ANXA5: variants seen among roughly 807,000 people sequenced by gnomAD.
ANXA5 encodes the protein annexin A5, also known as CBP-I.
Under a neutral mutation model 48.1 loss-of-function variants are expected in ANXA5, and 40 were observed. That is an observed-to-expected ratio of 0.83 (90% CI 0.65 to 1.08). The LOEUF is 1.08. Ranked by LOEUF, ANXA5 falls within the 50% of genes least tolerant of loss-of-function variation. ANXA5 has a pLI of 0.00. For synonymous variants in ANXA5, 113 were observed against 129.1 expected, an observed-to-expected ratio of 0.88 and a Z score of 0.85; for missense variants, 357 against 376.8, an observed-to-expected ratio of 0.95 and a Z score of 0.44.
At chr4:121,686,530 A>C (rs570253113) in intron 2 of ANXA5, among the ~76,000 whole-genome samples, 158 bp from the exon 3 acceptor site, 1 of 152,294 alleles carries the variant, frequency 6.6e-6, no homozygotes, top group East Asian at 1.9e-4. Flanking sequence ...GAAGGGAACC[A>C]TTTACAATGG....
chr4:121,687,880 G>A (rs1229561486), intron 2 of ANXA5, among the ~76,000 whole-genome samples: 1 of 152,190 alleles, frequency 6.6e-6, no homozygotes, highest in Non-Finnish European at 1.5e-5. Context: ...TGCCTAGCAA[G>A]AAGCTTGCTA....
chr4:121,668,843 T>C (rs944558959), intron 12 of ANXA5, among the ~76,000 whole-genome samples: 3 of 152,004 alleles, frequency 2.0e-5, no homozygotes, highest in Non-Finnish European at 4.4e-5. Context: ...AGGGCTGTCA[T>C]GGCTCTCCCT....
chr4:121,696,674 C>T (rs1725089322), intron 1 of ANXA5, 50 bp from the exon 2 acceptor site: 4 of 1,236,874 alleles, frequency 3.2e-6, no homozygotes, highest in African/African-American at 3.1e-5. Flanking sequence ...GCAACTCGTG[C>T]CCTCCCCAAG....
At chr4:121,671,133 ATTC>A (rs946872542) in intron 10 of ANXA5, among the ~76,000 whole-genome samples, 2 of 152,226 alleles carry the variant, frequency 1.3e-5, no homozygotes, top group Non-Finnish European at 2.9e-5. Context: ...CATCAAAGAT[ATTC>A]TTCTTTTCTA....
intron 2 of ANXA5, among the ~76,000 whole-genome samples, chr4:121,686,610 C>T (rs1724895340): frequency 6.6e-6 from 1 of 152,156 alleles, no homozygotes; most frequent in Non-Finnish European, 1.5e-5. Flanking sequence ...GGAAGGCTGG[C>T]TCCCTCTTCT....
rs1725083430 is a variant in ANXA5 at position 121,696,441 on chromosome 4, A to G, written c.9+140T>C. The G allele has an allele frequency of 2.1e-5, 17 of 793,672 alleles. No individual in the cohort carries two copies. In the South Asian group the frequency reaches 1.0e-3, roughly 47 times the overall value. 49.2% of individuals were successfully genotyped at this position (793,672 alleles called of 1,614,324 possible). On this transcript the variant is annotated intron_variant, in intron 2 of 12. Transcript: ENST00000296511. ...GGGGCAGGGAAGCAAAGGGGGAACA[A>G]GAAAAGTGGAAGCGATGTCCCCAAA...
At chr4:121,674,008 C>G (rs1262749093) in intron 8 of ANXA5, among the ~76,000 whole-genome samples, 1 of 151,566 alleles carries the variant, frequency 6.6e-6, no homozygotes, top group East Asian at 1.9e-4. Context: ...CTGTCAAAAC[C>G]TGTCTCTACT....
rs532595458 is a variant in ANXA5 at position 121,693,935 on chromosome 4, G to A, written c.9+2646C>T. ...TTATTTACATTTATCCTGCTTGCTC[G>A]GCACAGGGCTTTTTTAAATTATTAT... is the stretch of plus-strand genomic sequence containing the variant. On this transcript the variant is annotated intron_variant, in intron 2 of 12. Coordinates refer to ENST00000296511, the MANE Select transcript of ANXA5 (RefSeq NM_001154.4). Among the ~76,000 whole-genome samples, 15 of 152,246 alleles carry A rather than the reference G, an allele frequency of 9.9e-5. No homozygotes were observed. In the South Asian group the frequency reaches 2.1e-3, roughly 21 times the overall value.
At chr4:121,692,355 T>C (rs1725001900) in intron 2 of ANXA5, among the ~76,000 whole-genome samples, 1 of 152,238 alleles carries the variant, frequency 6.6e-6, no homozygotes, top group South Asian at 2.1e-4. Context: ...TAAGAATGAC[T>C]TCCCTTGACA....
At chr4:121,679,545 TATCTGAGCCTA>T (rs1189629603) in intron 6 of ANXA5, among the ~76,000 whole-genome samples, 1 of 152,120 alleles carries the variant, frequency 6.6e-6, no homozygotes, top group Admixed American at 6.6e-5. Context: ...AAACCATCTA[TATCTGAGCCTA>T]ACCTCGCTTG....
chr4:121,669,777 AG>A (rs1560823062), intron 11 of ANXA5, 53 bp from the exon 12 acceptor site: 18 of 1,573,534 alleles, frequency 1.1e-5, no homozygotes, highest in Non-Finnish European at 1.5e-5. Context: ...CTTCAAACAT[AG>A]GATCAAATGC....
chr4:121,685,011 T>C (rs898211989), intron 3 of ANXA5, among the ~76,000 whole-genome samples: 5 of 143,226 alleles, frequency 3.5e-5, no homozygotes, highest in African/African-American at 1.3e-4. Flanking sequence ...GAGACCCCCA[T>C]CTCTTAGAAA....
intron 8 of ANXA5, among the ~76,000 whole-genome samples, chr4:121,676,514 G>A (rs2110481816): frequency 6.6e-6 from 1 of 152,194 alleles, no homozygotes; most frequent in South Asian, 2.1e-4. Context: ...CCCCTTTCTG[G>A]TAGAGTTATG....
chr4:121,682,018 T>C (rs188207209), intron 5 of ANXA5, among the ~76,000 whole-genome samples: 191 of 152,288 alleles, frequency 1.3e-3, no homozygotes, highest in African/African-American at 4.4e-3. Flanking sequence ...TGTGTACGTA[T>C]ACATAACCAG....
intron 8 of ANXA5, among the ~76,000 whole-genome samples, chr4:121,674,206 G>A (rs1251028057): frequency 1.1e-5 from 1 of 95,236 alleles, no homozygotes; most frequent in Non-Finnish European, 2.3e-5. Flanking sequence ...AGGGGAGGGA[G>A]AGGGGCGGAA....
chr4:121,686,326 G>T lies in ANXA5; in HGVS notation c.56C>A (p.Ala19Asp). The change falls in exon 3 of 13, where the codon GCT (alanine) becomes GAT (aspartate). Residue 19 changes from alanine to aspartate, a missense_variant. Coordinates refer to ENST00000296511, the MANE Select transcript of ANXA5 (RefSeq NM_001154.4). ...VTDFPGFDER[A>D]DAETLRKAMK... is the part of the protein sequence containing the mutation. ...AGCCTTCCGAAGAGTTTCTGCATCAGCCCGCTCATCAAATCCAGGGAAGTC... is the reference window on the plus strand; with the variant it reads ...AGCCTTCCGAAGAGTTTCTGCATCATCCCGCTCATCAAATCCAGGGAAGTC... The T allele has an allele frequency of 6.2e-7, 1 of 1,614,052 alleles. No homozygotes were observed. Among genetic ancestry groups the T allele is most frequent in the Non-Finnish European group, 8.5e-7 (1 of 1,179,974 alleles).
At position 121,670,009 on chromosome 4, in the gene ANXA5, T is replaced by A. The variant is rs1724587072; in HGVS notation, c.725A>T (p.Lys242Ile). Residue 242 changes from lysine to isoleucine, a missense_variant, in exon 11 of 13, where the codon AAA (lysine) becomes ATA (isoleucine). Physicochemically the swap from Lys to Ile is moderately radical, Grantham distance 102 (BLOSUM62 -3). Coordinates refer to ENST00000296511, the MANE Select transcript of ANXA5 (RefSeq NM_001154.4). Reference sequence around the variant, plus strand: ...GTAGGCAGGTATACTTCGAATAGATTTCACTAAGAAAATAAACAATACAAT... The same window carrying A: ...GTAGGCAGGTATACTTCGAATAGATATCACTAAGAAAATAAACAATACAAT... ...NLEQLLLAVV[K>I]SIRSIPAYLA... 1 of 1,597,638 alleles carries A rather than the reference T, an allele frequency of 6.3e-7. No homozygotes were observed. The highest frequency in any genetic ancestry group is 2.2e-5 in the East Asian group (1 of 44,674).
rs886830394 is a variant in ANXA5 at position 121,678,452 on chromosome 4, G to A, written c.437C>T (p.Ser146Leu). Reference protein sequence around the residue: ...SLEDDVVGDTSGYYQRMLVVL... With the variant: ...SLEDDVVGDTLGYYQRMLVVL... ...CACCAACATCCGCTGGTAGTACCCT[G>A]AAGTGTCCCCCACCACGTCATCTTC... Residue 146 changes from serine to leucine, a missense_variant, in exon 7 of 13, where the codon TCA becomes TTA. Physicochemically the swap from Ser to Leu is moderately radical, Grantham distance 145. Transcript: ENST00000296511. The A allele has an allele frequency of 3.1e-6, 5 of 1,613,670 alleles. No homozygotes were observed. In the African/African-American group the frequency reaches 5.3e-5, roughly 17 times the overall value.
intron 3 of ANXA5, among the ~76,000 whole-genome samples, chr4:121,685,069 T>C (rs922866826): frequency 2.7e-5 from 4 of 147,854 alleles, no homozygotes; most frequent in Admixed American, 1.3e-4. Flanking sequence ...CACATATATA[T>C]ATACACACAC....
Sources: allele counts gnomAD v4.1 joint callset (sites outside exome capture counted in the v4.1 genomes callset), GRCh38; gene constraint gnomAD v4.1.1; transcripts MANE v1.5; gene names NCBI Gene and HGNC (gene_info 2026-07-23, HGNC 2026-07-21).